Variants in CCDC146 observed in about 807,000 individuals in gnomAD.
CCDC146 encodes the protein coiled-coil domain containing 146.
Under a neutral mutation model 119.3 loss-of-function variants are expected in CCDC146, and 92 were observed. That is an observed-to-expected ratio of 0.77 (90% confidence interval 0.65 to 0.92). The LOEUF (loss-of-function observed/expected upper bound fraction) is 0.92, where lower values mean the gene tolerates loss of function less well. Ranked by LOEUF, CCDC146 falls within the 40% of genes least tolerant of loss-of-function variation. The pLI, the probability that CCDC146 is intolerant of heterozygous loss-of-function variation, is 0.00. For synonymous variants in CCDC146, 372 were observed against 371.8 expected (o/e 1.00, Z -0.01); for missense variants, 1,000 against 1,103.0 (o/e 0.91, Z 1.32).
chr7:77,205,058 T>C (rs992956783), intron 2 of CCDC146, among the ~76,000 whole-genome samples: 1 of 152,164 alleles, frequency 6.6e-6, no homozygotes, highest in African/African-American at 2.4e-5. Context: ...TTTTTACTTC[T>C]TGTATTTGAG....
rs542230812 is a variant in CCDC146, at chr7:77,171,644, T to G, written c.156+3820T>G. ...CTCATTTTTGTCATTGTATCTCACC[T>G]GACTGACACACAGGAACCTGACGGC... is the stretch of plus-strand genomic sequence containing the variant. On this transcript the variant is annotated intron_variant, in intron 2 of 18. Transcript: ENST00000285871. Among the ~76,000 whole-genome samples, 19 of 152,370 alleles carry G rather than the reference T, an allele frequency of 1.2e-4. No homozygotes were observed. In the South Asian group the frequency reaches 3.7e-3, roughly 30 times the overall value.
At chr7:77,155,766 A>G (rs1470866687) in intron 1 of CCDC146, among the ~76,000 whole-genome samples, 2 of 152,190 alleles carry the variant, frequency 1.3e-5, no homozygotes, top group African/African-American at 4.8e-5. Flanking sequence ...GAGTGCTTGC[A>G]TGCTGACAAG....
chr7:77,140,722 A>G (rs1358072315), intron 1 of CCDC146, among the ~76,000 whole-genome samples: 1 of 152,186 alleles, frequency 6.6e-6, no homozygotes, highest in Non-Finnish European at 1.5e-5. Flanking sequence ...GAGAGAAATT[A>G]AAGCAGAGTT....
chr7:77,169,900 T>G (rs2117490103), intron 2 of CCDC146, among the ~76,000 whole-genome samples: 1 of 152,328 alleles, frequency 6.6e-6, no homozygotes, highest in South Asian at 2.1e-4. Context: ...GATCCTAGAA[T>G]GTCATAGCTT....
At chr7:77,215,407 T>A (rs1792285370) in intron 2 of CCDC146, among the ~76,000 whole-genome samples, 1 of 152,050 alleles carries the variant, frequency 6.6e-6, no homozygotes, top group Non-Finnish European at 1.5e-5. Context: ...CTCATTTGTT[T>A]CCATGCTCAA....
chr7:77,163,860 CTTTT>C (rs530810388), intron 1 of CCDC146, among the ~76,000 whole-genome samples: 18 of 110,034 alleles, frequency 1.6e-4, no homozygotes, highest in African/African-American at 5.3e-4. Context: ...TCTTTTTTTT[CTTTT>C]TTTTTTTTTT....
intron 2 of CCDC146, among the ~76,000 whole-genome samples, chr7:77,216,720 C>T (rs1045004736): frequency 6.6e-6 from 1 of 152,138 alleles, no homozygotes; most frequent in Admixed American, 6.6e-5. Context: ...TTGGCTCAAA[C>T]CTTTGCTAAA....
chr7:77,132,104 CT>C (rs1287022745), intron 1 of CCDC146, among the ~76,000 whole-genome samples: 2 of 151,956 alleles, frequency 1.3e-5, no homozygotes, highest in Non-Finnish European at 2.9e-5. Context: ...AAAACACCAT[CT>C]GTGAAGCAGA....
At chr7:77,148,543 T>C (rs1346293650) in intron 1 of CCDC146, among the ~76,000 whole-genome samples, 1 of 151,850 alleles carries the variant, frequency 6.6e-6, no homozygotes, top group Admixed American at 6.6e-5. Flanking sequence ...TATTCAGCCA[T>C]CTTGGAACCG....
chr7:77,169,981 A>G (rs995230608), intron 2 of CCDC146, among the ~76,000 whole-genome samples: 2 of 152,128 alleles, frequency 1.3e-5, no homozygotes, highest in African/African-American at 2.4e-5. Context: ...ATTTAAATCT[A>G]TTTCTACATC....
intron 2 of CCDC146, among the ~76,000 whole-genome samples, chr7:77,191,963 G>C (rs576189965): frequency 6.6e-6 from 1 of 151,186 alleles, no homozygotes; most frequent in African/African-American, 2.4e-5. Context: ...TTTTTTCTCT[G>C]TCACCCAGGC....
At chr7:77,290,412 AGT>A (rs1355672533) in intron 17 of CCDC146, among the ~76,000 whole-genome samples, 2 of 152,190 alleles carry the variant, frequency 1.3e-5, no homozygotes, top group African/African-American at 4.8e-5. Flanking sequence ...AGAAAAAAAA[AGT>A]GTGCCGTGGT....
At chr7:77,221,037 C>T (rs1449980385) in intron 2 of CCDC146, among the ~76,000 whole-genome samples, 1 of 152,098 alleles carries the variant, frequency 6.6e-6, no homozygotes, top group Non-Finnish European at 1.5e-5. Flanking sequence ...GGCATCTTAC[C>T]AGGCAGGAAC....
chr7:77,162,686 G>T (rs1265493512), intron 1 of CCDC146, among the ~76,000 whole-genome samples: 1 of 151,836 alleles, frequency 6.6e-6, no homozygotes, highest in Non-Finnish European at 1.5e-5. Context: ...AAGTGCCATT[G>T]GAATTTTATA....
chr7:77,278,010 C>T (rs1463348948), intron 11 of CCDC146, among the ~76,000 whole-genome samples: 1 of 152,178 alleles, frequency 6.6e-6, no homozygotes, highest in Non-Finnish European at 1.5e-5. Flanking sequence ...TGTAACACCT[C>T]CTTACAGCTG....
At chr7:77,141,198 C>T (rs1310662465) in intron 1 of CCDC146, among the ~76,000 whole-genome samples, 3 of 152,100 alleles carry the variant, frequency 2.0e-5, no homozygotes, top group Non-Finnish European at 4.4e-5. Context: ...TGTTAGTTTC[C>T]TGAGAATGAT....
intron 2 of CCDC146, among the ~76,000 whole-genome samples, chr7:77,182,932 C>G (rs938885036): frequency 6.6e-6 from 1 of 152,146 alleles, no homozygotes; most frequent in South Asian, 2.1e-4. Flanking sequence ...ACCAGAGAAA[C>G]CCCTGCTCTG....
chr7:77,259,508 G>T (rs1411365746), intron 7 of CCDC146, among the ~76,000 whole-genome samples: 1 of 152,082 alleles, frequency 6.6e-6, no homozygotes, highest in Non-Finnish European at 1.5e-5. Context: ...GGAGGCAGAG[G>T]TCATTGAGGA....
At chr7:77,159,908 C>T (rs1283890092) in intron 1 of CCDC146, among the ~76,000 whole-genome samples, 2 of 152,136 alleles carry the variant, frequency 1.3e-5, no homozygotes, top group African/African-American at 4.8e-5. Context: ...TTAGGTCTAA[C>T]GTTTAAGTCT....
Sources: allele counts gnomAD v4.1 joint callset (sites outside exome capture counted in the v4.1 genomes callset), GRCh38; gene constraint gnomAD v4.1.1; transcripts MANE v1.5; gene names NCBI Gene and HGNC (gene_info 2026-07-23, HGNC 2026-07-21).